STOX2: variants seen among roughly 807,000 people sequenced by gnomAD.
STOX2 encodes the protein storkhead-box protein 2.
Under a neutral mutation model 60.9 loss-of-function variants are expected in STOX2, and 28 were observed. The observed-to-expected ratio is 0.46, with a 90% CI of 0.34 to 0.63. The LOEUF is 0.63. Ranked by LOEUF, STOX2 falls within the 30% of genes least tolerant of loss-of-function variation. STOX2 has a pLI of 0.01. For missense variants in STOX2, 1,024 were observed against 1,187.7 expected (o/e 0.86, Z 2.03); for synonymous variants, 472 against 463.9 (o/e 1.02, Z -0.22).
Position 183,993,323 on chromosome 4 carries a change from A to C in STOX2, c.167-8002A>C, listed in dbSNP as rs1023158323. Reference sequence around the variant, plus strand: ...TGAGCCAATTAATTCGTTACTTCACATAGTGGCATTAGACAGACTGGTCAG... The same window carrying C: ...TGAGCCAATTAATTCGTTACTTCACCTAGTGGCATTAGACAGACTGGTCAG... On this transcript the variant is annotated intron_variant, in intron 1 of 3. Coordinates refer to ENST00000308497, the MANE Select transcript of STOX2 (RefSeq NM_020225.3). Among the ~76,000 whole-genome samples, 4 of 152,352 alleles carry C rather than the reference A, an allele frequency of 2.6e-5. No homozygotes were observed. In the East Asian group the frequency reaches 5.8e-4, roughly 22 times the overall value.
chr4:183,899,249 T>C (rs1280888152), intron 1 of STOX2, among the ~76,000 whole-genome samples: 1 of 152,194 alleles, frequency 6.6e-6, no homozygotes, highest in African/African-American at 2.4e-5. Flanking sequence ...GTATTGAAAC[T>C]AGGCCAATTA....
intron 1 of STOX2, among the ~76,000 whole-genome samples, chr4:183,912,845 C>T (rs555868657): frequency 2.0e-5 from 3 of 152,228 alleles, no homozygotes; most frequent in East Asian, 1.9e-4. Flanking sequence ...AATGAGGTCT[C>T]GAAGTCCTAA....
intron 1 of STOX2, among the ~76,000 whole-genome samples, chr4:183,892,236 C>T (rs1306188625): frequency 1.3e-5 from 2 of 152,188 alleles, no homozygotes; most frequent in African/African-American, 4.8e-5. Flanking sequence ...CTCGGGAAAC[C>T]CTGAGGCTGC....
At chr4:183,907,833 C>A (rs944061148) in intron 1 of STOX2, among the ~76,000 whole-genome samples, 6 of 152,194 alleles carry the variant, frequency 3.9e-5, no homozygotes, top group Non-Finnish European at 7.3e-5. Context: ...TTCTCCTTAA[C>A]CACTTGGATG....
At chr4:184,013,080 C>A (rs1734228673) in intron 3 of STOX2, among the ~76,000 whole-genome samples, 1 of 152,178 alleles carries the variant, frequency 6.6e-6, no homozygotes, top group Admixed American at 6.5e-5. Context: ...ACCTGCTTTT[C>A]ACATGCTCGT....
intron 1 of STOX2, among the ~76,000 whole-genome samples, chr4:183,798,396 C>A (rs1384239510): frequency 6.6e-6 from 1 of 151,276 alleles, no homozygotes; most frequent in Non-Finnish European, 1.5e-5. Context: ...GCGTGAGTGT[C>A]CCCCTCCCGG....
At chr4:183,914,204 G>A (rs574579239) in intron 1 of STOX2, among the ~76,000 whole-genome samples, 5 of 152,124 alleles carry the variant, frequency 3.3e-5, no homozygotes, top group Non-Finnish European at 5.9e-5. Flanking sequence ...GGAACTGGCC[G>A]TTCTTTGTAA....
intron 1 of STOX2, among the ~76,000 whole-genome samples, chr4:183,978,856 C>T (rs926421408): frequency 1.3e-5 from 2 of 152,158 alleles, no homozygotes; most frequent in African/African-American, 4.8e-5. Context: ...AATTCCATAT[C>T]TGATTCTATC....
chr4:183,942,021 A>G (rs1273816510), intron 1 of STOX2, among the ~76,000 whole-genome samples: 5 of 152,130 alleles, frequency 3.3e-5, no homozygotes, highest in Admixed American at 2.6e-4. Context: ...GGTATTTAGT[A>G]CCTCAGAAGG....
rs1234588091 is a variant in STOX2 at position 184,010,998 on chromosome 4, C to G, written c.2160C>G (p.Ser720Arg). The G allele has an allele frequency of 1.9e-6, 3 of 1,613,408 alleles. No homozygotes were observed. The highest frequency in any genetic ancestry group is 2.5e-6 in the Non-Finnish European group (3 of 1,179,630). ...TLSVNSYHKS[S>R]LSLLKSHPKT... is the part of the protein sequence containing the mutation. ...CTGTAAACAGCTATCACAAGTCGAG[C>G]CTGTCCCTCCTCAAATCTCACCCGA... Residue 720 changes from serine to arginine, a missense_variant, in exon 3 of 4, where the codon AGC (serine) becomes AGG (arginine). Coordinates refer to ENST00000308497, the MANE Select transcript of STOX2 (RefSeq NM_020225.3). This position sits in a 1 kb window ranked among gnomAD's most constrained non-coding sequence, Gnocchi z 4.5.
rs1359396517 is a variant in STOX2, at chr4:184,018,421, A to T, written c.*1137A>T. 1 of 152,080 alleles carries T rather than the reference A, an allele frequency of 6.6e-6. No individual in the cohort carries two copies. The highest frequency in any genetic ancestry group is 2.4e-5 in the African/African-American group (1 of 41,426). The allele number at this position is 152,080 out of a possible 1,614,324, so 9.4% of individuals were successfully genotyped here. ...CTTTTATTCCTGGGAAGATATGTAT[A>T]GAGAAAACTTTTAAAATAATTTTTG... On this transcript the variant is annotated 3_prime_UTR_variant, in exon 4 of 4. Coordinates refer to ENST00000308497, the MANE Select transcript of STOX2 (RefSeq NM_020225.3).
intron 1 of STOX2, among the ~76,000 whole-genome samples, chr4:183,955,747 C>T (rs1038444746): frequency 3.3e-5 from 5 of 151,308 alleles, no homozygotes; most frequent in African/African-American, 9.8e-5. Flanking sequence ...GCCTTGCATC[C>T]GCTTCTTTAA....
chr4:183,922,342 C>CA (rs1378701456), intron 1 of STOX2, among the ~76,000 whole-genome samples: 1 of 149,518 alleles, frequency 6.7e-6, no homozygotes, highest in Non-Finnish European at 1.5e-5. Context: ...CAAAAGTTAC[C>CA]ATCTTAACTT....
intron 1 of STOX2, among the ~76,000 whole-genome samples, chr4:183,822,882 T>A (rs2111112198): frequency 6.6e-6 from 1 of 152,332 alleles, no homozygotes; most frequent in Non-Finnish European, 1.5e-5. Context: ...AGGTTAAGTA[T>A]CTTGCTGGAG....
intron 1 of STOX2, among the ~76,000 whole-genome samples, chr4:183,896,459 A>T (rs1741342028): frequency 6.6e-6 from 1 of 152,220 alleles, no homozygotes; most frequent in Non-Finnish European, 1.5e-5. Context: ...GCTCCTGCGC[A>T]GACTCCCAAG....
chr4:184,005,468 A>AC (rs1733786539), intron 2 of STOX2, among the ~76,000 whole-genome samples: 1 of 103,346 alleles, frequency 9.7e-6, no homozygotes, highest in Non-Finnish European at 2.4e-5. Context: ...AAAAAAAAAA[A>AC]AAAAAAAATT....
At chr4:183,964,009 T>C (rs1743490412) in intron 1 of STOX2, among the ~76,000 whole-genome samples, 1 of 150,236 alleles carries the variant, frequency 6.7e-6, no homozygotes, top group Non-Finnish European at 1.5e-5. Context: ...TCTCCTGACC[T>C]CGTCATCTGC....
At chr4:183,834,577 G>T (rs1024805484) in intron 1 of STOX2, among the ~76,000 whole-genome samples, 1 of 152,150 alleles carries the variant, frequency 6.6e-6, no homozygotes, top group Non-Finnish European at 1.5e-5. Flanking sequence ...TATAAGGGAA[G>T]GAAGGCTGTT....
At chr4:183,998,664 C>T (rs938604850) in intron 1 of STOX2, among the ~76,000 whole-genome samples, 5 of 152,148 alleles carry the variant, frequency 3.3e-5, no homozygotes, top group African/African-American at 1.2e-4. Flanking sequence ...AGCTCAGCCT[C>T]CCAAGCAGCT....
Sources: allele counts gnomAD v4.1 joint callset (sites outside exome capture counted in the v4.1 genomes callset), GRCh38; gene constraint gnomAD v4.1.1; non-coding constraint Gnocchi (gnomAD v3.1); transcripts MANE v1.5; gene names NCBI Gene and HGNC (gene_info 2026-07-23, HGNC 2026-07-21).